Variants in NCOA3 observed in about 807,000 individuals in gnomAD.
NCOA3 encodes the protein nuclear receptor coactivator 3, also known as CBP-interacting protein.
In NCOA3, 51 loss-of-function variants were observed where a neutral mutation model predicts 158.8. That is an observed-to-expected ratio of 0.32 (90% CI 0.26 to 0.41). The LOEUF (loss-of-function observed/expected upper bound fraction) is 0.41, where lower values mean the gene tolerates loss of function less well. NCOA3 is among the 10% of genes least tolerant of loss of function. The pLI is 1.00. For synonymous variants in NCOA3, 537 were observed against 592.4 expected (o/e 0.91, Z 1.36); for missense variants, 1,510 against 1,746.6 (o/e 0.86, Z 2.41).
chr20:47,594,679 A>G (rs1316711226), intron 2 of NCOA3, among the ~76,000 whole-genome samples: 1 of 84,360 alleles, frequency 1.2e-5, no homozygotes, highest in Middle Eastern at 6.7e-3. Flanking sequence ...AAAAAAAAAA[A>G]AAAAAAAAAA....
intron 1 of NCOA3, among the ~76,000 whole-genome samples, chr20:47,556,298 A>G (rs1350105371): frequency 4.6e-5 from 7 of 152,232 alleles, no homozygotes; most frequent in Non-Finnish European, 1.5e-5. Flanking sequence ...AAGAAGGGGA[A>G]GAGTTTTTAT....
At chr20:47,603,396 G>A (rs945520000) in intron 2 of NCOA3, among the ~76,000 whole-genome samples, 4 of 152,262 alleles carry the variant, frequency 2.6e-5, no homozygotes, top group African/African-American at 4.8e-5. Context: ...GATCTGGGGC[G>A]AGTGCCCCTG....
intron 13 of NCOA3, 147 bp from the exon 14 acceptor site, chr20:47,638,861 C>T (rs1211344403): frequency 1.4e-5 from 9 of 645,832 alleles, no homozygotes; most frequent in East Asian, 3.2e-5. Flanking sequence ...GTGAGGGCCA[C>T]TTCCCTCACT....
chr20:47,652,756 A>G (rs72646205), intron 21 of NCOA3, among the ~76,000 whole-genome samples, 175 bp from the exon 22 acceptor site: 2,274 of 152,352 alleles, frequency 0.015, 36 homozygotes, highest in Non-Finnish European at 0.019. Context: ...CATATCTATT[A>G]GGGTGTCTAG....
intron 2 of NCOA3, 54 bp from the exon 3 acceptor site, chr20:47,622,173 TAG>T: frequency 1.1e-6 from 1 of 908,956 alleles, no homozygotes. Context: ...AACACCTTCA[TAG>T]AGTCATGTAT....
intron 1 of NCOA3, among the ~76,000 whole-genome samples, chr20:47,503,467 C>T (rs560281067): frequency 1.3e-5 from 2 of 152,286 alleles, no homozygotes; most frequent in Admixed American, 6.5e-5. Flanking sequence ...ACAGTTTCCC[C>T]TTCTCAGAGG....
intron 1 of NCOA3, among the ~76,000 whole-genome samples, chr20:47,534,131 G>C (rs2084595904): frequency 6.6e-6 from 1 of 151,576 alleles, no homozygotes; most frequent in Admixed American, 6.6e-5. Flanking sequence ...GGTGAAGAGG[G>C]AAGAGAAGAA....
chr20:47,504,002 G>A (rs982674756), intron 1 of NCOA3, among the ~76,000 whole-genome samples: 7 of 152,154 alleles, frequency 4.6e-5, no homozygotes, highest in Admixed American at 3.9e-4. Context: ...GACTAAGCGG[G>A]AGGCTGTAAT....
intron 2 of NCOA3, among the ~76,000 whole-genome samples, chr20:47,598,533 C>T (rs534866359): frequency 4.9e-4 from 74 of 152,112 alleles, no homozygotes; most frequent in African/African-American, 1.8e-3. Flanking sequence ...GACAGGGTTT[C>T]ACCATGTTGG....
intron 1 of NCOA3, among the ~76,000 whole-genome samples, chr20:47,581,318 A>G (rs993698563): frequency 2.0e-5 from 3 of 152,144 alleles, no homozygotes; most frequent in Non-Finnish European, 4.4e-5. Context: ...TGCATAAGGG[A>G]TAGTCACCCG....
At chr20:47,607,622 T>C (rs2085968588) in intron 2 of NCOA3, among the ~76,000 whole-genome samples, 3 of 152,230 alleles carry the variant, frequency 2.0e-5, no homozygotes, top group Non-Finnish European at 2.9e-5. Context: ...TCTGATTTTC[T>C]CTTGTTAATT....
chr20:47,561,875 A>G (rs1199064023), intron 1 of NCOA3, among the ~76,000 whole-genome samples: 1 of 152,136 alleles, frequency 6.6e-6, no homozygotes, highest in Non-Finnish European at 1.5e-5. Flanking sequence ...TATCATACAG[A>G]GTAGTTTCAC....
At chr20:47,534,220 G>T (rs916291819) in intron 1 of NCOA3, among the ~76,000 whole-genome samples, 1 of 150,538 alleles carries the variant, frequency 6.6e-6, no homozygotes, top group South Asian at 2.1e-4. Context: ...ACCCATCCAA[G>T]GCTCTTTTAT....
intron 1 of NCOA3, among the ~76,000 whole-genome samples, chr20:47,550,591 T>C (rs2084913944): frequency 6.6e-6 from 1 of 152,126 alleles, no homozygotes; most frequent in African/African-American, 2.4e-5. Context: ...TTCATCAGAA[T>C]TGAGGTGGAA....
chr20:47,563,153 G>C (rs923197010), intron 1 of NCOA3, among the ~76,000 whole-genome samples: 1 of 152,216 alleles, frequency 6.6e-6, no homozygotes, highest in African/African-American at 2.4e-5. Context: ...ACTACTGCTG[G>C]ATGTTACGAA....
chr20:47,508,755 T>A (rs1239143627), intron 1 of NCOA3, among the ~76,000 whole-genome samples: 1 of 152,214 alleles, frequency 6.6e-6, no homozygotes, highest in East Asian at 1.9e-4. Flanking sequence ...AAAAGAAATC[T>A]ACATGTGAAA....
At chr20:47,548,617 A>C (rs575522191) in intron 1 of NCOA3, among the ~76,000 whole-genome samples, 154 of 152,336 alleles carry the variant, frequency 1.0e-3, no homozygotes, top group African/African-American at 3.6e-3. Context: ...GCAGTTTGAG[A>C]AGAAGGGGTG....
intron 1 of NCOA3, among the ~76,000 whole-genome samples, chr20:47,516,372 C>T (rs2084234328): frequency 6.6e-6 from 1 of 151,986 alleles, no homozygotes; most frequent in South Asian, 2.1e-4. Flanking sequence ...TAAATGGCAG[C>T]TTTTATCTTT....
intron 2 of NCOA3, among the ~76,000 whole-genome samples, chr20:47,620,381 G>C (rs1195906278): frequency 2.0e-5 from 3 of 152,180 alleles, no homozygotes; most frequent in African/African-American, 7.2e-5. Flanking sequence ...AAAGCACTGG[G>C]ATTACTTGAG....
Sources: allele counts gnomAD v4.1 joint callset (sites outside exome capture counted in the v4.1 genomes callset), GRCh38; gene constraint gnomAD v4.1.1; transcripts MANE v1.5; gene names NCBI Gene and HGNC (gene_info 2026-07-23, HGNC 2026-07-21).